ARID2: variants seen among roughly 807,000 people sequenced by gnomAD.
The protein encoded by ARID2 is AT-rich interaction domain 2, also known as AT-rich interactive domain-containing protein 2.
A neutral mutation model predicts 184.6 loss-of-function variants in ARID2; 32 were observed. The ratio of observed to expected loss-of-function variants is 0.17; its 90% CI spans 0.13 to 0.23. The LOEUF is 0.23. ARID2 is among the 10% of genes least tolerant of loss of function. ARID2 has a pLI of 1.00. For missense variants in ARID2, 1,696 were observed against 2,197.6 expected, an observed-to-expected ratio of 0.77 and a Z score of 4.56; for synonymous variants, 836 against 772.6, an observed-to-expected ratio of 1.08 and a Z score of -1.36.
chr12:45,730,286 A>ACGG (rs977591036), intron 2 of ARID2, 149 bp downstream of exon 2: 17 of 641,370 alleles, frequency 2.7e-5, no homozygotes, highest in Admixed American at 8.2e-5. Flanking sequence ...ACGGAGGCGG[A>ACGG]CGGCGGCGGG....
chr12:45,905,001 C>G lies in ARID2; in HGVS notation c.5431C>G (p.Leu1811Val), dbSNP rs1944506214. 1.2e-5 allele frequency: 20 copies of G among 1,613,986 alleles called. No individual in the cohort carries two copies. Among genetic ancestry groups the G allele is most frequent in the Non-Finnish European group, 1.7e-5 (20 of 1,179,974 alleles). ...TAGTAACATGGAAGCTTCCTCCACC[C>G]TTGCCAAATGCCTTTATGAACTTAA... is the stretch of plus-strand genomic sequence containing the variant. Reference protein sequence around the residue: ...AISNMEASSTLAKCLYELNFT... With the variant: ...AISNMEASSTVAKCLYELNFT... The change falls in exon 21 of 21, where the codon CTT (leucine) becomes GTT (valine). Residue 1811 changes from leucine to valine, a missense_variant. By Grantham distance (32) the Leu-to-Val change is conservative. Around this residue, in one of 11 missense-constraint regions of ARID2, gnomAD observed 69 missense variants for 118.2 expected, o/e 0.58. Transcript: ENST00000334344.
intron 16 of ARID2, among the ~76,000 whole-genome samples, chr12:45,888,907 G>A (rs986364019): frequency 6.6e-6 from 1 of 152,166 alleles, no homozygotes; most frequent in African/African-American, 2.4e-5. Flanking sequence ...GTACAAAGGG[G>A]CTGGGCTTGG....
intron 3 of ARID2, among the ~76,000 whole-genome samples, chr12:45,799,536 G>A (rs1942455495): frequency 6.6e-6 from 1 of 152,048 alleles, no homozygotes; most frequent in Non-Finnish European, 1.5e-5. Context: ...ATGTAAATCT[G>A]TTATATCTTT....
chr12:45,730,506 C>T (rs1192042766), intron 2 of ARID2, among the ~76,000 whole-genome samples: 1 of 151,696 alleles, frequency 6.6e-6, no homozygotes, highest in Non-Finnish European at 1.5e-5. Context: ...CGCGAGTCAG[C>T]TCTGCCGCCG....
intron 4 of ARID2, among the ~76,000 whole-genome samples, chr12:45,813,815 T>C (rs1425744972): frequency 6.6e-6 from 1 of 152,174 alleles, no homozygotes; most frequent in African/African-American, 2.4e-5. Context: ...TTTTGTTGCT[T>C]TAAGCTTTAA....
chr12:45,736,356 GAA>G (rs201995453), intron 3 of ARID2, among the ~76,000 whole-genome samples: 3 of 120,618 alleles, frequency 2.5e-5, no homozygotes, highest in Admixed American at 8.8e-5. Flanking sequence ...GACTCCGTCT[GAA>G]AAAAAAAAAA....
chr12:45,868,496 G>A (rs906464261), intron 16 of ARID2, among the ~76,000 whole-genome samples: 1 of 152,152 alleles, frequency 6.6e-6, no homozygotes, highest in Admixed American at 6.5e-5. Flanking sequence ...CCCACGTCTC[G>A]AGACTTTAGC....
intron 18 of ARID2, among the ~76,000 whole-genome samples, 179 bp from the exon 19 acceptor site, chr12:45,893,241 C>T (rs903308444): frequency 3.3e-5 from 5 of 152,140 alleles, no homozygotes; most frequent in Non-Finnish European, 5.9e-5. Flanking sequence ...ACTAAGCGCC[C>T]CTTTGCCTAG....
chr12:45,863,302 G>A (rs571811945), intron 16 of ARID2, among the ~76,000 whole-genome samples: 1 of 152,294 alleles, frequency 6.6e-6, no homozygotes, highest in East Asian at 1.9e-4. Flanking sequence ...CAAGCATAAC[G>A]ACATGAAAAG....
At chr12:45,895,439 A>G (rs983514575) in intron 20 of ARID2, among the ~76,000 whole-genome samples, 1 of 152,194 alleles carries the variant, frequency 6.6e-6, no homozygotes, top group Non-Finnish European at 1.5e-5. Context: ...TGATCTTTGT[A>G]TCTTTAGTGC....
chr12:45,830,266 A>G (rs1256509741), intron 6 of ARID2, among the ~76,000 whole-genome samples: 1 of 152,118 alleles, frequency 6.6e-6, no homozygotes, highest in Non-Finnish European at 1.5e-5. Context: ...ATTGGATTGA[A>G]AGTTCATTCT....
chr12:45,855,043 T>A (rs1335506063), intron 15 of ARID2, among the ~76,000 whole-genome samples: 1 of 152,198 alleles, frequency 6.6e-6, no homozygotes, highest in Non-Finnish European at 1.5e-5. Flanking sequence ...GATTTCTCTA[T>A]AAAGCTCTAG....
chr12:45,903,232 C>T (rs1176279759), intron 20 of ARID2, among the ~76,000 whole-genome samples: 2 of 152,032 alleles, frequency 1.3e-5, no homozygotes, highest in East Asian at 3.9e-4. Context: ...ATTTTTTTCT[C>T]TGCTTTTGAT....
intron 3 of ARID2, among the ~76,000 whole-genome samples, chr12:45,752,873 C>A (rs1022342653): frequency 1.3e-5 from 2 of 152,218 alleles, no homozygotes; most frequent in African/African-American, 4.8e-5. Context: ...AGGAAGTCAT[C>A]GGGGATACTG....
Position 45,862,248 on chromosome 12 carries a change from G to T in ARID2, c.4922+1299G>T, listed in dbSNP as rs1023139896. ...TTAGCAAGGGTAAATATTGTTTTCA[G>T]TTATATATATGTGACCTATATATGT... On this transcript the variant is annotated intron_variant, in intron 16 of 20. Coordinates refer to ENST00000334344, the MANE Select transcript of ARID2 (RefSeq NM_152641.4). 2.0e-5 allele frequency among the ~76,000 whole-genome samples: 3 copies of T among 152,172 alleles called. No individual in the cohort carries two copies. The East Asian group carries it at 5.8e-4, about 29-fold the overall frequency.
chr12:45,812,248 A>G (rs1377423477), intron 4 of ARID2, among the ~76,000 whole-genome samples: 3 of 151,148 alleles, frequency 2.0e-5, no homozygotes, highest in Non-Finnish European at 4.4e-5. Context: ...TATGTTCTTT[A>G]TAAAAATTAT....
At chr12:45,897,845 G>GTT (rs965321061) in intron 20 of ARID2, among the ~76,000 whole-genome samples, 6 of 147,074 alleles carry the variant, frequency 4.1e-5, no homozygotes, top group Non-Finnish European at 4.5e-5. Flanking sequence ...AGTTTTTGAG[G>GTT]TTTTTTTTTT....
At chr12:45,803,180 A>T (rs1942538565) in intron 3 of ARID2, among the ~76,000 whole-genome samples, 1 of 152,208 alleles carries the variant, frequency 6.6e-6, no homozygotes, top group African/African-American at 2.4e-5. Context: ...TTGTTTTTGA[A>T]AGAGAATCTA....
intron 3 of ARID2, among the ~76,000 whole-genome samples, chr12:45,807,263 C>A (rs1208119534): frequency 6.6e-6 from 1 of 152,142 alleles, no homozygotes; most frequent in Non-Finnish European, 1.5e-5. Flanking sequence ...CTTGCCCTAT[C>A]ATCTTTTTTT....
Sources: allele counts gnomAD v4.1 joint callset (sites outside exome capture counted in the v4.1 genomes callset), GRCh38; gene constraint gnomAD v4.1.1; regional missense constraint gnomAD v4.1.1; transcripts MANE v1.5; gene names NCBI Gene and HGNC (gene_info 2026-07-23, HGNC 2026-07-21).